The following ABCB6 variants were observed in gnomAD, a reference collection of about 807,000 sequenced individuals.
ABCB6 encodes ATP binding cassette subfamily B member 6 (LAN blood group), also known as ATP-binding cassette sub-family B member 6.
ABCB6 carries 87 observed loss-of-function variants against 99.4 expected under a neutral mutation model. The ratio of observed to expected loss-of-function variants is 0.88; its 90% CI spans 0.74 to 1.05. The LOEUF is 1.05. ABCB6 is among the 50% of genes least tolerant of loss of function. The probability of loss-of-function intolerance (pLI) is 0.00; values close to 1 mark genes in which losing one functional copy is unlikely to be tolerated. For synonymous variants in ABCB6, 482 were observed against 447.5 expected (o/e 1.08, Z -0.97); for missense variants, 1,050 against 1,097.9 (o/e 0.96, Z 0.62).
chr2:219,218,506 GGGCCGCTCCCGGCGT>G lies in ABCB6; in HGVS notation c.153_167del (p.Arg51_Pro56delinsSer), dbSNP rs1950678281. 6.2e-7 allele frequency: 1 copy of G among 1,609,402 alleles called. No homozygotes were observed. Among genetic ancestry groups the G allele is most frequent in the East Asian group, 2.2e-5 (1 of 44,688 alleles). On this transcript the variant is annotated inframe_deletion, in exon 1 of 19. Transcript: ENST00000265316. The stretch of plus-strand genomic sequence containing the variant: ...CCCAAGACAGCGAATCAGCACCAGC[GGGCCGCTCCCGGCGT>G]CTGCAGGGAAGAGCCAGCACCAAGG...
chr2:219,210,304 A>T lies in ABCB6; in HGVS notation c.2352-6T>A. On this transcript the variant is annotated splice_polypyrimidine_tract_variant and splice_region_variant and intron_variant, in intron 17 of 18. Coordinates refer to ENST00000265316, the MANE Select transcript of ABCB6 (RefSeq NM_005689.4). ...CATTGACCACAGTTGAGAGCCTGAG[A>T]AGTCAAAGATCAGTCGCCTACTACC... 1 of 1,614,186 alleles carries T rather than the reference A, an allele frequency of 6.2e-7. No homozygotes were observed. The highest frequency in any genetic ancestry group is 8.5e-7 in the Non-Finnish European group (1 of 1,180,022).
intron 1 of ABCB6, 131 bp downstream of exon 1, chr2:219,217,994 C>T: frequency 7.3e-7 from 1 of 1,375,758 alleles, no homozygotes; most frequent in South Asian, 1.5e-5. Flanking sequence ...CAGCTCCCGG[C>T]AGGACTCAGC....
chr2:219,214,911 A>T (rs1455571597), intron 6 of ABCB6, 50 bp downstream of exon 6: 7 of 1,610,762 alleles, frequency 4.3e-6, no homozygotes, highest in Non-Finnish European at 5.9e-6. Context: ...CTCATGGCCA[A>T]GGGAGTCCCT....
At chr2:219,212,820 C>T (rs1037634875) in intron 13 of ABCB6, among the ~76,000 whole-genome samples, 188 bp downstream of exon 13, 1 of 152,216 alleles carries the variant, frequency 6.6e-6, no homozygotes, top group Admixed American at 6.5e-5. Flanking sequence ...CCGCAGCCGG[C>T]CGAGGCCCAC....
At position 219,216,474 on chromosome 2, in the gene ABCB6, GA is replaced by G; in HGVS notation, c.869-10del. 1 of 1,613,396 alleles carries G rather than the reference GA, an allele frequency of 6.2e-7. No homozygotes were observed. The highest frequency in any genetic ancestry group is 8.5e-7 in the Non-Finnish European group (1 of 1,179,474). On this transcript the variant is annotated splice_polypyrimidine_tract_variant and intron_variant, in intron 3 of 18. Coordinates refer to ENST00000265316, the MANE Select transcript of ABCB6 (RefSeq NM_005689.4). The surrounding 1 kb of genome is among the most constrained non-coding windows in gnomAD (Gnocchi z 4.2). ...CTCAGTCAGCAAGTTCACTGTGGAG[GA>G]AACGAGTCAGAACCCACTTATGGCG...
At position 219,212,386 on chromosome 2, in the gene ABCB6, C is replaced by G; in HGVS notation, c.1968+1G>C. 6.2e-7 allele frequency: 1 copy of G among 1,613,894 alleles called. No individual in the cohort carries two copies. On this transcript the variant is annotated splice_donor_variant, in intron 14 of 18. Transcript: ENST00000265316. LOFTEE classifies it high-confidence loss of function. Reference sequence around the variant, plus strand: ...CACCGTCTTCTCCAGAGCAACCCTACCTGTGAAATGTCCTGCCCATCTATT... The same window carrying G: ...CACCGTCTTCTCCAGAGCAACCCTAGCTGTGAAATGTCCTGCCCATCTATT...
Position 219,213,062 on chromosome 2 carries a change from C to T in ABCB6, c.1809G>A (p.Arg603=). ...TGAAAGACACGTCCTGCAGAGTCTC[C>T]CGCCTGCAAGGAAAGGTGGGGTTGC... The part of the protein sequence containing the change: ...ENVHFSYADG[R]ETLQDVSFTV... Residue 603 remains arginine (R), a synonymous_variant, in exon 13 of 19, where the codon CGG becomes CGA. Coordinates refer to ENST00000265316, the MANE Select transcript of ABCB6 (RefSeq NM_005689.4). The T allele has an allele frequency of 1.2e-6, 2 of 1,613,776 alleles. No individual in the cohort carries two copies. The highest frequency in any genetic ancestry group is 1.7e-5 in the Admixed American group (1 of 59,978).
At chr2:219,213,103 C>T in intron 12 of ABCB6, 38 bp from the exon 13 acceptor site, 2 of 1,611,894 alleles carry the variant, frequency 1.2e-6, no homozygotes, top group South Asian at 1.1e-5. Flanking sequence ...AGGCACCTTC[C>T]ATCACCAGAG....
At chr2:219,210,854 C>A (rs200541302) in intron 15 of ABCB6, 31 bp from the exon 16 acceptor site, 5 of 1,613,210 alleles carry the variant, frequency 3.1e-6, no homozygotes, top group Non-Finnish European at 4.2e-6. Context: ...ACGTTTCTTA[C>A]GAAACGGAGG....
chr2:219,215,666 G>A (rs1352201167), intron 5 of ABCB6: 1 of 193,374 alleles, frequency 5.2e-6, no homozygotes, highest in Non-Finnish European at 1.1e-5. Context: ...GCTTGAACCC[G>A]GGAGGCAGAG....
intron 18 of ABCB6, 52 bp from the exon 19 acceptor site, chr2:219,210,098 T>C: frequency 6.2e-7 from 1 of 1,601,430 alleles, no homozygotes. Flanking sequence ...ACCCCGAGGG[T>C]CCTTGCCACC....
Position 219,218,116 on chromosome 2 carries a change from G to C in ABCB6, c.549+9C>G. 1.3e-6 allele frequency: 2 copies of C among 1,595,616 alleles called. No homozygotes were observed. The highest frequency in any genetic ancestry group is 1.7e-6 in the Non-Finnish European group (2 of 1,170,612). On this transcript the variant is annotated intron_variant, in intron 1 of 18. Coordinates refer to ENST00000265316, the MANE Select transcript of ABCB6 (RefSeq NM_005689.4). Reference sequence around the variant, plus strand: ...GCAGAGGCTTCCCCCTTCCCACAGAGTCCCTCACCTGCTGGCCCAAGTCTG... The same window carrying C: ...GCAGAGGCTTCCCCCTTCCCACAGACTCCCTCACCTGCTGGCCCAAGTCTG...
At position 219,210,284 on chromosome 2, in the gene ABCB6, A is replaced by G. The variant is rs1044559075; in HGVS notation, c.2366T>C (p.Val789Ala). ...IVVAHRLSTV[V>A]NADQILVIKD... ...GATGACGAGGATCTGGTCAGCATTG[A>G]CCACAGTTGAGAGCCTGAGAAGTCA... Residue 789 changes from valine to alanine, a missense_variant, in exon 18 of 19, where the codon GTC (valine) becomes GCC (alanine). Coordinates refer to ENST00000265316, the MANE Select transcript of ABCB6 (RefSeq NM_005689.4). The G allele has an allele frequency of 6.8e-6, 11 of 1,614,176 alleles. No homozygotes were observed. The highest frequency in any genetic ancestry group is 8.5e-6 in the Non-Finnish European group (10 of 1,180,032).
Position 219,213,898 on chromosome 2 carries a change from G to A in ABCB6, c.1506C>T (p.Asn502=). ...ASLVLLNQTQ[N]LVIGLGLLAG... is the part of the protein sequence containing the mutation. ...CGAGGAGCCCGAGCCCAATCACCAGGTTCTGGGTCTGATTTAGTAAAACCA... is the reference window on the plus strand; with the variant it reads ...CGAGGAGCCCGAGCCCAATCACCAGATTCTGGGTCTGATTTAGTAAAACCA... The change falls in exon 9 of 19, where the codon AAC becomes AAT. Residue 502 remains asparagine (N), a synonymous_variant. Transcript: ENST00000265316. The A allele has an allele frequency of 6.2e-7, 1 of 1,614,144 alleles. No individual in the cohort carries two copies. Among genetic ancestry groups the A allele is most frequent in the Non-Finnish European group, 8.5e-7 (1 of 1,180,042 alleles).
intron 16 of ABCB6, 90 bp from the exon 17 acceptor site, chr2:219,210,565 C>A: frequency 6.3e-7 from 1 of 1,587,740 alleles, no homozygotes; most frequent in South Asian, 1.1e-5. Context: ...CAAGAATACA[C>A]AAGAGCCTTG....
At chr2:219,217,522 T>C in intron 2 of ABCB6, 148 bp downstream of exon 2, 1 of 604,448 alleles carries the variant, frequency 1.7e-6, no homozygotes, top group Non-Finnish European at 3.0e-6. Context: ...CATGCACCTG[T>C]AGTCCCAGCT....
At position 219,211,034 on chromosome 2, in the gene ABCB6, G is replaced by A. The variant is rs202044523; in HGVS notation, c.2043C>T (p.Ala681=). The change falls in exon 15 of 19, where the codon GCC becomes GCT. Residue 681 remains alanine (A), a synonymous_variant. Coordinates refer to ENST00000265316, the MANE Select transcript of ABCB6 (RefSeq NM_005689.4). ...TGACACGGCCGTAACGGATATTGTC[G>A]GCGATGGTGTCATTAAAGAGGACAG... The part of the protein sequence containing the change: ...QDTVLFNDTI[A]DNIRYGRVTA... 1.7e-5 allele frequency: 27 copies of A among 1,614,106 alleles called. No homozygotes were observed. The highest frequency in any genetic ancestry group is 6.7e-5 in the Admixed American group (4 of 60,014).
At chr2:219,217,835 A>G (rs1404803989) in intron 1 of ABCB6, 28 bp from the exon 2 acceptor site, 1 of 1,603,570 alleles carries the variant, frequency 6.2e-7, no homozygotes, top group Non-Finnish European at 8.5e-7. Flanking sequence ...TGGAGAGAGT[A>G]TCATTGAGGA....
In ABCB6 at chr2:219,218,327, A is replaced by C. The variant is rs1367595494; in HGVS notation, c.347T>G (p.Leu116Arg). 17 of 1,613,140 alleles carry C rather than the reference A, an allele frequency of 1.1e-5. No individual in the cohort carries two copies. The highest frequency in any genetic ancestry group is 1.6e-4 in the Middle Eastern group (1 of 6,084). Reference sequence around the variant, plus strand: ...CAGCCACAGGCCACAGGCGCCGGCCAGACTCTCCAGCACGGAGGCCAGAAG... The same window carrying C: ...CAGCCACAGGCCACAGGCGCCGGCCCGACTCTCCAGCACGGAGGCCAGAAG... ...YLLLASVLES[L>R]AGACGLWLLV... Residue 116 changes from leucine to arginine, a missense_variant, in exon 1 of 19, where the codon CTG becomes CGG. Coordinates refer to ENST00000265316, the MANE Select transcript of ABCB6 (RefSeq NM_005689.4).
Sources: gnomAD v4.1 joint callset for allele counts (sites outside exome capture counted in the v4.1 genomes callset) on GRCh38, gnomAD v4.1.1 for gene constraint, Gnocchi (gnomAD v3.1) non-coding constraint, MANE v1.5 for transcripts, NCBI Gene and HGNC (gene_info 2026-07-23, HGNC 2026-07-21) for gene names.